The following GRIA4 variants were observed in gnomAD, a reference collection of about 807,000 sequenced individuals.
The protein encoded by GRIA4 is glutamate receptor 4.
Under a neutral mutation model 104.0 loss-of-function variants are expected in GRIA4, and 34 were observed. The ratio of observed to expected loss-of-function variants is 0.33; its 90% CI spans 0.25 to 0.44. The LOEUF is 0.44. Ranked by LOEUF, GRIA4 falls within the 20% of genes least tolerant of loss-of-function variation. GRIA4 has a pLI of 1.00. For missense variants in GRIA4, 750 were observed against 1,096.5 expected (o/e 0.68, Z 4.46); for synonymous variants, 386 against 381.9 (o/e 1.01, Z -0.13).
chr11:105,693,995 A>C (rs972191252), intron 3 of GRIA4, among the ~76,000 whole-genome samples: 1 of 152,132 alleles, frequency 6.6e-6, no homozygotes, highest in Non-Finnish European at 1.5e-5. Context: ...AATAAATGGT[A>C]ATTATTTTTA....
intron 3 of GRIA4, among the ~76,000 whole-genome samples, chr11:105,685,746 G>C (rs1952859200): frequency 6.6e-6 from 1 of 152,012 alleles, no homozygotes; most frequent in African/African-American, 2.4e-5. Flanking sequence ...AAAAATGCAG[G>C]GTATATTAGC....
intron 5 of GRIA4, among the ~76,000 whole-genome samples, chr11:105,866,551 GTATATATATATATA>G (rs71041633): frequency 2.6e-5 from 2 of 76,716 alleles, no homozygotes; most frequent in South Asian, 1.0e-3. Context: ...GTGTGTGTGT[GTATATATATATATA>G]TATATATATA....
chr11:105,872,144 A>G (rs1480237376), intron 5 of GRIA4, among the ~76,000 whole-genome samples: 1 of 152,084 alleles, frequency 6.6e-6, no homozygotes, highest in Non-Finnish European at 1.5e-5. Context: ...TATGGCAAAG[A>G]AACCTCTTAA....
chr11:105,617,435 A>G (rs1473460517), intron 3 of GRIA4, among the ~76,000 whole-genome samples: 1 of 151,906 alleles, frequency 6.6e-6, no homozygotes, highest in African/African-American at 2.4e-5. Context: ...CAGAGCTTGA[A>G]CTAATTCTTA....
In GRIA4 at chr11:105,979,629, G is replaced by C; in HGVS notation, c.2599G>C (p.Val867Leu). ...AGCCAGATTATCCATCACTGGGAGT[G>C]TGGGAGAGAATGGCCGCGTCTTGAC... ...NKARLSITGS[V>L]GENGRVLTPD... Residue 867 changes from valine (V) to leucine (L), a missense_variant, in exon 17 of 17, where the codon GTG becomes CTG. Around this residue, in one of 3 missense-constraint regions of GRIA4, gnomAD observed 68 missense variants for 69.3 expected, o/e 0.98. Coordinates refer to ENST00000282499, the MANE Select transcript of GRIA4 (RefSeq NM_000829.4). 2 of 1,614,026 alleles carry C rather than the reference G, an allele frequency of 1.2e-6. No individual in the cohort carries two copies. Among genetic ancestry groups the C allele is most frequent in the Non-Finnish European group, 1.7e-6 (2 of 1,179,828 alleles).
chr11:105,726,840 A>G (rs1189615486), intron 3 of GRIA4, among the ~76,000 whole-genome samples: 1 of 152,152 alleles, frequency 6.6e-6, no homozygotes, highest in African/African-American at 2.4e-5. Flanking sequence ...TAGTATCAAC[A>G]TTAAAAAAAA....
At chr11:105,707,474 G>C (rs987503551) in intron 3 of GRIA4, 1 of 152,200 alleles carries the variant, frequency 6.6e-6, no homozygotes, top group Non-Finnish European at 1.5e-5. Context: ...TAAAATGAAT[G>C]AAAAGAAAGA....
intron 3 of GRIA4, among the ~76,000 whole-genome samples, chr11:105,731,127 A>G (rs1396120907): frequency 6.6e-6 from 1 of 152,236 alleles, no homozygotes; most frequent in Non-Finnish European, 1.5e-5. Context: ...AAATCTATCC[A>G]TCTGACATAG....
intron 4 of GRIA4, among the ~76,000 whole-genome samples, chr11:105,810,098 G>A (rs943731014): frequency 2.0e-5 from 3 of 152,100 alleles, no homozygotes; most frequent in Non-Finnish European, 4.4e-5. Context: ...TGACCTATAA[G>A]GATTGGGAAG....
chr11:105,887,714 A>G, intron 6 of GRIA4, 142 bp downstream of exon 6: 1 of 544,592 alleles, frequency 1.8e-6, no homozygotes, highest in Non-Finnish European at 3.3e-6. Context: ...TATTACAATG[A>G]TCATTAAATT....
intron 10 of GRIA4, among the ~76,000 whole-genome samples, chr11:105,911,470 C>G (rs1313058784): frequency 6.6e-6 from 1 of 151,786 alleles, no homozygotes; most frequent in South Asian, 2.1e-4. Context: ...GGAAACCTTA[C>G]TCTAAATACA....
intron 3 of GRIA4, among the ~76,000 whole-genome samples, chr11:105,619,061 T>C (rs190069599): frequency 2.1e-5 from 2 of 97,484 alleles, no homozygotes; most frequent in Admixed American, 2.6e-4. Context: ...CAGAATGTTC[T>C]TTTGTATATG....
At chr11:105,772,529 C>T (rs929689886) in intron 4 of GRIA4, among the ~76,000 whole-genome samples, 2 of 151,990 alleles carry the variant, frequency 1.3e-5, no homozygotes, top group Non-Finnish European at 2.9e-5. Context: ...ATGCATATAA[C>T]ATATAAAATA....
At chr11:105,843,349 G>C (rs1179583387) in intron 4 of GRIA4, among the ~76,000 whole-genome samples, 1 of 152,106 alleles carries the variant, frequency 6.6e-6, no homozygotes, top group South Asian at 2.1e-4. Flanking sequence ...ATACTACTGG[G>C]TTTATTTAAA....
chr11:105,919,061 T>C (rs1015126075), intron 11 of GRIA4, 143 bp downstream of exon 11: 1 of 584,012 alleles, frequency 1.7e-6, no homozygotes, highest in Non-Finnish European at 3.1e-6. Flanking sequence ...TAAATCTTTC[T>C]CTATTTTATT....
At position 105,894,720 on chromosome 11, in the gene GRIA4, G is replaced by A. The variant is rs1271104; in HGVS notation, c.727-3549G>A. 5.2e-3 allele frequency among the ~76,000 whole-genome samples: 784 copies of A among 152,082 alleles called. 9 individuals are homozygous for A. Among genetic ancestry groups the A allele is most frequent in the African/African-American group, 0.017 (724 of 41,444 alleles). ...TGAAGATCCCAAAACCATAGCCAAG[G>A]TGCATTCAGAAGGACAAGCAACTCC... On this transcript the variant is annotated intron_variant, in intron 6 of 16. Transcript: ENST00000282499.
At chr11:105,793,649 C>A (rs1181755089) in intron 4 of GRIA4, among the ~76,000 whole-genome samples, 1 of 152,126 alleles carries the variant, frequency 6.6e-6, no homozygotes, top group African/African-American at 2.4e-5. Flanking sequence ...GCGGGTGCAA[C>A]AAAGTCTCTG....
rs116560644 is a variant in GRIA4 at position 105,661,161 on chromosome 11, A to G, written c.247+48727A>G. ...TTACTTAATGATACATAGATTATCA[A>G]TAGATACCTTAGAAAGATGAAATAC... is the stretch of plus-strand genomic sequence containing the variant. On this transcript the variant is annotated intron_variant, in intron 3 of 16. Transcript: ENST00000282499. Among the ~76,000 whole-genome samples, 760 of 151,804 alleles carry G rather than the reference A, an allele frequency of 5.0e-3. 18 individuals are homozygous for G. Among genetic ancestry groups the G allele is most frequent in the African/African-American group, 0.017 (711 of 41,504 alleles).
chr11:105,773,040 A>G (rs1362098359), intron 4 of GRIA4, among the ~76,000 whole-genome samples: 1 of 152,200 alleles, frequency 6.6e-6, no homozygotes, highest in Non-Finnish European at 1.5e-5. Flanking sequence ...ATACATGTTT[A>G]CAAAGCCACA....
Sources: allele counts gnomAD v4.1 joint callset (sites outside exome capture counted in the v4.1 genomes callset), GRCh38; gene constraint gnomAD v4.1.1; regional missense constraint gnomAD v4.1.1; transcripts MANE v1.5; gene names NCBI Gene and HGNC (gene_info 2026-07-23, HGNC 2026-07-21).